The following NCOR1 variants were observed in gnomAD, a reference collection of about 807,000 sequenced individuals.
NCOR1 encodes the protein protein phosphatase 1, regulatory subunit 109.
A neutral mutation model predicts 288.1 loss-of-function variants in NCOR1; 63 were observed. The ratio of observed to expected loss-of-function variants is 0.22; its 90% CI spans 0.18 to 0.27. NCOR1 has a LOEUF of 0.27. NCOR1 is among the 10% of genes least tolerant of loss of function. The pLI is 1.00. For missense variants in NCOR1, 2,397 were observed against 3,019.2 expected (o/e 0.79, Z 4.83); for synonymous variants, 1,007 against 1,065.9 (o/e 0.94, Z 1.08).
At chr17:16,131,959 C>A (rs955542570) in intron 14 of NCOR1, among the ~76,000 whole-genome samples, 9 of 152,160 alleles carry the variant, frequency 5.9e-5, no homozygotes, top group African/African-American at 1.9e-4. Context: ...GTGAAAGGAC[C>A]CACCTAGAGT....
At chr17:16,185,161 T>A (rs1403709874) in intron 3 of NCOR1, among the ~76,000 whole-genome samples, 2 of 152,110 alleles carry the variant, frequency 1.3e-5, no homozygotes, top group African/African-American at 4.8e-5. Flanking sequence ...AGATTTCTTA[T>A]GTACAACATG....
At chr17:16,199,759 C>T (rs547346312) in intron 1 of NCOR1, among the ~76,000 whole-genome samples, 52 of 152,112 alleles carry the variant, frequency 3.4e-4, no homozygotes, top group African/African-American at 1.1e-3. Flanking sequence ...AAAAATTCTA[C>T]GAATTGTTTA....
intron 28 of NCOR1, 33 bp from the exon 29 acceptor site, chr17:16,072,261 A>G: frequency 6.6e-7 from 1 of 1,523,690 alleles, no homozygotes; most frequent in Non-Finnish European, 9.1e-7. Context: ...CAATTATTCA[A>G]CATAATGTAT....
chr17:16,167,397 C>T (rs1018473277), intron 4 of NCOR1, among the ~76,000 whole-genome samples: 5 of 150,072 alleles, frequency 3.3e-5, no homozygotes, highest in Admixed American at 6.6e-5. Context: ...AAAAAAAAAG[C>T]CAAGTAATAG....
rs1598051927 is a variant in NCOR1, at chr17:16,062,240, T to C, written c.5252A>G (p.His1751Arg). 1.9e-6 allele frequency: 3 copies of C among 1,611,146 alleles called. No individual in the cohort carries two copies. Among genetic ancestry groups the C allele is most frequent in the Non-Finnish European group, 2.5e-6 (3 of 1,179,474 alleles). Reference sequence around the variant, plus strand: ...AGGGGAAGGGGAGCGAACATATCCATGACTGCCAGGTCGGCCAGGCTGTTC... The same window carrying C: ...AGGGGAAGGGGAGCGAACATATCCACGACTGCCAGGTCGGCCAGGCTGTTC... Reference protein sequence around the residue: ...GSEQPGRPGSHGYVRSPSPSV... With the variant: ...GSEQPGRPGSRGYVRSPSPSV... Residue 1751 changes from histidine to arginine, a missense_variant, in exon 36 of 46, where the codon CAT becomes CGT. Around this residue, in one of 11 missense-constraint regions of NCOR1, gnomAD observed 1,872 missense variants for 2,187.8 expected, o/e 0.86. Transcript: ENST00000268712.
At chr17:16,093,206 C>T (rs760245069) in intron 21 of NCOR1, among the ~76,000 whole-genome samples, 44 of 152,216 alleles carry the variant, frequency 2.9e-4, no homozygotes, top group Non-Finnish European at 5.4e-4. Context: ...TCTTCAGTTG[C>T]TCTCCATTTT....
intron 19 of NCOR1, among the ~76,000 whole-genome samples, chr17:16,107,976 A>T (rs79024325): frequency 1.3e-5 from 2 of 152,294 alleles, no homozygotes; most frequent in East Asian, 3.9e-4. Flanking sequence ...CAACTTTTAA[A>T]GCTTATACAA....
chr17:16,044,729 G>GT (rs1044660047), intron 42 of NCOR1: 1 of 746,088 alleles, frequency 1.3e-6, no homozygotes. Context: ...AGCAGCTGGT[G>GT]TAAATGTTGA....
In NCOR1 at chr17:16,064,181, G is replaced by T. The variant is rs925384315; in HGVS notation, c.5108C>A (p.Pro1703Gln). Reference sequence around the variant, plus strand: ...ACTTGCAGCAGCTGCAAGGTGTGTTGGGTGTCCTGTAAAACATAAACCTGC... The same window carrying T: ...ACTTGCAGCAGCTGCAAGGTGTGTTTGGTGTCCTGTAAAACATAAACCTGC... ...YNSASMSPGH[P>Q]THLAAAASAE... The change falls in exon 35 of 46, where the codon CCA becomes CAA. Residue 1703 changes from proline (P) to glutamine (Q), a missense_variant. Pro to Gln is a moderately conservative substitution (Grantham distance 76). This residue lies in a region of NCOR1 where 1,872 missense variants were observed against 2,187.8 expected (regional missense o/e 0.86). Coordinates refer to ENST00000268712, the MANE Select transcript of NCOR1 (RefSeq NM_006311.4). 1 of 1,613,246 alleles carries T rather than the reference G, an allele frequency of 6.2e-7. No individual in the cohort carries two copies. The highest frequency in any genetic ancestry group is 1.3e-5 in the African/African-American group (1 of 74,864).
At chr17:16,072,804 G>A (rs899111178) in intron 28 of NCOR1, among the ~76,000 whole-genome samples, 1 of 152,162 alleles carries the variant, frequency 6.6e-6, no homozygotes, top group Non-Finnish European at 1.5e-5. Flanking sequence ...CCTGCTTTTA[G>A]TATTTCATCT....
At chr17:16,114,153 A>C (rs866505661) in intron 18 of NCOR1, among the ~76,000 whole-genome samples, 4 of 133,292 alleles carry the variant, frequency 3.0e-5, no homozygotes, top group African/African-American at 7.6e-5. Flanking sequence ...CAAAAAAAAA[A>C]AAAAAAAAAA....
At chr17:16,095,305 G>C (rs1307742186) in intron 21 of NCOR1, among the ~76,000 whole-genome samples, 3 of 149,364 alleles carry the variant, frequency 2.0e-5, no homozygotes, top group Non-Finnish European at 4.5e-5. Flanking sequence ...CCCCGTCTGA[G>C]AAGTGAGGAG....
At chr17:16,179,634 C>A (rs2084957105) in intron 3 of NCOR1, among the ~76,000 whole-genome samples, 1 of 152,164 alleles carries the variant, frequency 6.6e-6, no homozygotes, top group African/African-American at 2.4e-5. Context: ...AAACTTAACT[C>A]AAAGGCATTT....
At chr17:16,137,029 T>C (rs1434162755) in intron 14 of NCOR1, among the ~76,000 whole-genome samples, 1 of 152,136 alleles carries the variant, frequency 6.6e-6, no homozygotes, top group Non-Finnish European at 1.5e-5. Context: ...TTTAATTACA[T>C]GATTATTGCT....
At chr17:16,078,736 C>T (rs758167540) in intron 26 of NCOR1, among the ~76,000 whole-genome samples, 6 of 152,056 alleles carry the variant, frequency 3.9e-5, no homozygotes, top group Non-Finnish European at 8.8e-5. Context: ...CCACTATGCC[C>T]GCCTAATTTT....
chr17:16,171,179 T>A (rs1472249911), intron 4 of NCOR1, among the ~76,000 whole-genome samples: 1 of 152,174 alleles, frequency 6.6e-6, no homozygotes, highest in Non-Finnish European at 1.5e-5. Flanking sequence ...TATCACACTG[T>A]ATAAATATCA....
intron 14 of NCOR1, among the ~76,000 whole-genome samples, chr17:16,134,312 C>A (rs9897388): frequency 0.53 from 80,655 of 151,996 alleles, 21,807 homozygotes; most frequent in Middle Eastern, 0.61. Context: ...CCAAATTCCC[C>A]GTGAAACAAC....
chr17:16,208,206 A>ATTTCTTTTT (rs2091771357), intron 1 of NCOR1, among the ~76,000 whole-genome samples: 1 of 65,550 alleles, frequency 1.5e-5, no homozygotes, highest in Non-Finnish European at 2.8e-5. Flanking sequence ...ATGCCCAGCT[A>ATTTCTTTTT]TTTTTTTTTT....
chr17:16,064,725 T>C, intron 34 of NCOR1, 145 bp downstream of exon 34: 1 of 680,046 alleles, frequency 1.5e-6, no homozygotes, highest in Non-Finnish European at 2.3e-6. Context: ...TAGTGACAGC[T>C]GGCACATAAG....
Sources: gnomAD v4.1 joint callset for allele counts (sites outside exome capture counted in the v4.1 genomes callset) on GRCh38, gnomAD v4.1.1 for gene constraint, gnomAD v4.1.1 regional missense constraint, MANE v1.5 for transcripts, NCBI Gene and HGNC (gene_info 2026-07-23, HGNC 2026-07-21) for gene names.